The following ZNF626 variants were observed in gnomAD, a reference collection of about 807,000 sequenced individuals.
The protein encoded by ZNF626 is CTC-513N18.7.
ZNF626 carries 4 observed loss-of-function variants against 11.7 expected under a neutral mutation model. The ratio of observed to expected loss-of-function variants is 0.34; its 90% CI spans 0.17 to 0.78. The LOEUF is 0.78. Among genes scored for constraint, ZNF626 ranks in the 30% least tolerant of loss-of-function variants. ZNF626 has a pLI of 0.57. For missense variants in ZNF626, 588 were observed against 587.1 expected (o/e 1.00, Z -0.01); for synonymous variants, 179 against 198.6 (o/e 0.90, Z 0.83).
chr19:20,627,833 G>A (rs1419685856), intron 3 of ZNF626, among the ~76,000 whole-genome samples: 1 of 152,090 alleles, frequency 6.6e-6, no homozygotes, highest in Non-Finnish European at 1.5e-5. Context: ...CAACGTGCAG[G>A]TTTGTTACAT....
intron 3 of ZNF626, among the ~76,000 whole-genome samples, chr19:20,630,202 T>C (rs1360994834): frequency 6.6e-6 from 1 of 152,212 alleles, no homozygotes; most frequent in African/African-American, 2.4e-5. Context: ...TGAGGATTTT[T>C]GCATCGATGT....
chr19:20,620,351 T>C lies in ZNF626; in HGVS notation c.*3939A>G, dbSNP rs1555768520. On this transcript the variant is annotated 3_prime_UTR_variant, in exon 4 of 4. Transcript: ENST00000601440. ...AACTTATTTTGTTCCAATAATTGCG[T>C]TTTCTTCTGAAAATATGTACAAATG... is the stretch of plus-strand genomic sequence containing the variant. 1 of 152,184 alleles carries C rather than the reference T, an allele frequency of 6.6e-6. No homozygotes were observed. Among genetic ancestry groups the C allele is most frequent in the Non-Finnish European group, 1.5e-5 (1 of 68,034 alleles). The allele number at this position is 152,184 out of a possible 1,614,324, so 9.4% of individuals were successfully genotyped here. A position where few individuals can be genotyped will look rare whatever the true frequency, so the allele number is the denominator to read the frequency against.
chr19:20,641,945 A>G (rs1555771513), intron 3 of ZNF626, among the ~76,000 whole-genome samples: 1 of 152,110 alleles, frequency 6.6e-6, no homozygotes, highest in African/African-American at 2.4e-5. Context: ...ACTGAAAAAA[A>G]TCCAGAATTA....
chr19:20,658,403 G>C (rs1383661478), intron 1 of ZNF626, among the ~76,000 whole-genome samples: 2 of 152,168 alleles, frequency 1.3e-5, no homozygotes, highest in Non-Finnish European at 2.9e-5. Flanking sequence ...TGAGGGTGGT[G>C]CCCAGTACTG....
chr19:20,625,975 A>G (rs1223984225), intron 3 of ZNF626, among the ~76,000 whole-genome samples: 12 of 152,310 alleles, frequency 7.9e-5, no homozygotes, highest in Admixed American at 5.2e-4. Flanking sequence ...TTAAAAGTAA[A>G]TTGTTGACTG....
At chr19:20,640,308 T>A (rs1293225666) in intron 3 of ZNF626, among the ~76,000 whole-genome samples, 1 of 147,230 alleles carries the variant, frequency 6.8e-6, no homozygotes, top group African/African-American at 2.5e-5. Context: ...CTAACAAATC[T>A]TTTAGGAAAA....
At chr19:20,644,661 A>T (rs1970055728) in intron 3 of ZNF626, 1 of 152,374 alleles carries the variant, frequency 6.6e-6, no homozygotes, top group African/African-American at 2.4e-5. Context: ...AAGTATGGGC[A>T]GAAGAATTAG....
In ZNF626 at chr19:20,622,012, C is replaced by T. The variant is rs1969763472; in HGVS notation, c.*2278G>A. 6.6e-6 allele frequency: 1 copy of T among 152,156 alleles called. No homozygotes were observed. The allele number at this position is 152,156 out of a possible 1,614,324, so 9.4% of individuals were successfully genotyped here. ...GACTAGCCTGACCAATATGGGGAAA[C>T]CCCATGTCTATTAAAAATATAAAAA... is the stretch of plus-strand genomic sequence containing the variant. On this transcript the variant is annotated 3_prime_UTR_variant, in exon 4 of 4. Transcript: ENST00000601440.
intron 3 of ZNF626, among the ~76,000 whole-genome samples, chr19:20,627,615 A>G (rs1392200166): frequency 6.6e-6 from 1 of 152,060 alleles, no homozygotes; most frequent in Non-Finnish European, 1.5e-5. Context: ...TATATATATA[A>G]TTATCTTTCC....
chr19:20,627,151 C>CA (rs555004451), intron 3 of ZNF626, among the ~76,000 whole-genome samples: 1 of 151,074 alleles, frequency 6.6e-6, no homozygotes, highest in African/African-American at 2.4e-5. Context: ...ATAAAAAATG[C>CA]AAAAAACAAT....
chr19:20,648,650 T>C (rs4644961), intron 1 of ZNF626, among the ~76,000 whole-genome samples: 77,599 of 152,034 alleles, frequency 0.51, 22,841 homozygotes, highest in African/African-American at 0.81. Context: ...GGATTATAGG[T>C]GTGAGCCACG....
rs1285724410 is a variant in ZNF626, at chr19:20,623,800, C to A, written c.*490G>T. ...GGTGACAAGAGTTGAAACTCCATCT[C>A]AAAAAAAAAAAAAAAAAGACAGAAC... is the stretch of plus-strand genomic sequence containing the variant. On this transcript the variant is annotated 3_prime_UTR_variant, in exon 4 of 4. Transcript: ENST00000601440. 3.7e-4 allele frequency: 74 copies of A among 199,972 alleles called. No individual in the cohort carries two copies. The highest frequency in any genetic ancestry group is 6.4e-4 in the African/African-American group (22 of 34,558). The allele number at this position is 199,972 out of a possible 1,614,324, so 12.4% of individuals were successfully genotyped here. A position where few individuals can be genotyped will look rare whatever the true frequency, so the allele number is the denominator to read the frequency against.
intron 3 of ZNF626, among the ~76,000 whole-genome samples, chr19:20,634,253 G>A (rs1599477100): frequency 6.6e-6 from 1 of 152,214 alleles, no homozygotes; most frequent in South Asian, 2.1e-4. Context: ...AATAAAACAA[G>A]AGAGAATATT....
rs1355024283 is a variant in ZNF626 at position 20,620,851 on chromosome 19, T to G, written c.*3439A>C. 6 of 151,606 alleles carry G rather than the reference T, an allele frequency of 4.0e-5. No individual in the cohort carries two copies. The highest frequency in any genetic ancestry group is 1.5e-4 in the African/African-American group (6 of 41,210). The allele number at this position is 151,606 out of a possible 1,614,324, so 9.4% of individuals were successfully genotyped here. On this transcript the variant is annotated 3_prime_UTR_variant, in exon 4 of 4. Coordinates refer to ENST00000601440, the MANE Select transcript of ZNF626 (RefSeq NM_001076675.3). ...TGCACATGGCCGTATTTTTTCTTTT[T>G]TTTTTTGTGACGGAGTCTTGCTCTG...
chr19:20,641,893 A>G (rs1555771501), intron 3 of ZNF626, among the ~76,000 whole-genome samples: 1 of 149,840 alleles, frequency 6.7e-6, no homozygotes, highest in Admixed American at 6.7e-5. Context: ...AAGATGGTAA[A>G]TGTTATGTTA....
chr19:20,632,608 A>G (rs10420781), intron 3 of ZNF626, among the ~76,000 whole-genome samples: 68,232 of 151,556 alleles, frequency 0.45, 16,609 homozygotes, highest in African/African-American at 0.64. Flanking sequence ...CATTCGTCAC[A>G]TAGCTCTCGT....
intron 3 of ZNF626, 147 bp from the exon 4 acceptor site, chr19:20,625,797 A>G: frequency 1.1e-6 from 1 of 908,416 alleles, no homozygotes; most frequent in Non-Finnish European, 1.5e-6. Flanking sequence ...TCCTGGACAT[A>G]TGAATTTAAC....
chr19:20,644,734 A>C (rs1344196881), intron 3 of ZNF626: 2 of 152,162 alleles, frequency 1.3e-5, no homozygotes, highest in African/African-American at 2.4e-5. Context: ...AAAAAACCAT[A>C]AACAGTACAT....
At position 20,623,800 on chromosome 19, in the gene ZNF626, CAAAA is replaced by C. The variant is rs58402205; in HGVS notation, c.*486_*489del. Reference sequence around the variant, plus strand: ...GGTGACAAGAGTTGAAACTCCATCTCAAAAAAAAAAAAAAAAAGACAGAACTTGT... The same window carrying C: ...GGTGACAAGAGTTGAAACTCCATCTCAAAAAAAAAAAAAGACAGAACTTGT... On this transcript the variant is annotated 3_prime_UTR_variant, in exon 4 of 4. Transcript: ENST00000601440. 1,435 of 199,210 alleles carry C rather than the reference CAAAA, an allele frequency of 7.2e-3. 1 individual carries two copies. Among genetic ancestry groups the C allele is most frequent in the Non-Finnish European group, 9.4e-3 (987 of 104,570 alleles). 12.3% of individuals were successfully genotyped at this position (199,210 alleles called of 1,614,324 possible).
Sources: gnomAD v4.1 joint callset for allele counts (sites outside exome capture counted in the v4.1 genomes callset) on GRCh38, gnomAD v4.1.1 for gene constraint, MANE v1.5 for transcripts, NCBI Gene and HGNC (gene_info 2026-07-23, HGNC 2026-07-21) for gene names.